Variants in HHAT observed in about 807,000 individuals in gnomAD.
HHAT encodes the protein hedgehog acyltransferase.
HHAT carries 47 observed loss-of-function variants against 70.8 expected under a neutral mutation model. The observed-to-expected ratio is 0.66, with a 90% CI of 0.53 to 0.85. HHAT has a LOEUF of 0.85. HHAT is among the 40% of genes least tolerant of loss of function. The pLI is 0.00. For synonymous variants in HHAT, 228 were observed against 247.6 expected (o/e 0.92, Z 0.74); for missense variants, 609 against 604.8 (o/e 1.01, Z -0.07).
intron 11 of HHAT, among the ~76,000 whole-genome samples, chr1:210,641,911 C>A (rs187201244): frequency 2.0e-5 from 3 of 152,192 alleles, no homozygotes; most frequent in Non-Finnish European, 4.4e-5. Flanking sequence ...CACAAGCAAA[C>A]TTCAGGTCTT....
chr1:210,424,126 G>C (rs2092987248), intron 7 of HHAT, among the ~76,000 whole-genome samples: 1 of 152,122 alleles, frequency 6.6e-6, no homozygotes, highest in African/African-American at 2.4e-5. Flanking sequence ...CAATTGCTTT[G>C]AGTAGTATTG....
chr1:210,665,662 G>A (rs903195162), intron 11 of HHAT, among the ~76,000 whole-genome samples: 3 of 152,184 alleles, frequency 2.0e-5, no homozygotes, highest in African/African-American at 4.8e-5. Flanking sequence ...GTGGATAATG[G>A]TAGATTTAAA....
chr1:210,543,350 C>CTTT (rs74605164), intron 9 of HHAT, among the ~76,000 whole-genome samples: 2 of 146,760 alleles, frequency 1.4e-5, no homozygotes, highest in East Asian at 4.0e-4. Flanking sequence ...GGGTGTTTTT[C>CTTT]TTTTTTTTTT....
intron 10 of HHAT, 23 bp from the exon 11 acceptor site, chr1:210,623,503 C>A: frequency 6.2e-7 from 1 of 1,613,488 alleles, no homozygotes; most frequent in Non-Finnish European, 8.5e-7. Context: ...TCATGAGATG[C>A]TTTCTTGCCA....
intron 11 of HHAT, among the ~76,000 whole-genome samples, chr1:210,634,803 A>G (rs1382097315): frequency 1.3e-5 from 2 of 152,210 alleles, no homozygotes; most frequent in Non-Finnish European, 2.9e-5. Flanking sequence ...TTGGATTGCA[A>G]TACAAAATTT....
chr1:210,337,816 AG>A (rs2085638902), intron 1 of HHAT, among the ~76,000 whole-genome samples: 1 of 149,942 alleles, frequency 6.7e-6, no homozygotes, highest in Non-Finnish European at 1.5e-5. Flanking sequence ...GGACACTTCT[AG>A]GGGACCCATC....
intron 1 of HHAT, among the ~76,000 whole-genome samples, chr1:210,330,943 G>A (rs2143590): frequency 0.75 from 114,452 of 152,018 alleles, 44,234 homozygotes; most frequent in African/African-American, 0.93. Context: ...CTCAGCCTCC[G>A]GAGTAGCTTA....
chr1:210,445,510 C>G (rs2093617391), intron 7 of HHAT, among the ~76,000 whole-genome samples: 1 of 152,116 alleles, frequency 6.6e-6, no homozygotes, highest in African/African-American at 2.4e-5. Context: ...AACCAATTCT[C>G]TGTTGTTGAT....
chr1:210,663,117 A>C (rs1309657873), intron 11 of HHAT, among the ~76,000 whole-genome samples: 2 of 152,096 alleles, frequency 1.3e-5, no homozygotes, highest in East Asian at 3.9e-4. Context: ...CATGCTCTTC[A>C]ATGCTCACAG....
chr1:210,577,035 C>T (rs1472357375), intron 9 of HHAT, among the ~76,000 whole-genome samples: 1 of 146,962 alleles, frequency 6.8e-6, no homozygotes, highest in African/African-American at 2.5e-5. Flanking sequence ...TTTTATGTTA[C>T]TTTTGTATCC....
intron 11 of HHAT, among the ~76,000 whole-genome samples, chr1:210,654,871 G>A (rs1676055585): frequency 6.6e-6 from 1 of 152,208 alleles, no homozygotes; most frequent in African/African-American, 2.4e-5. Context: ...TACTATCACA[G>A]TTCCTTCTTT....
intron 2 of HHAT, 83 bp from the exon 3 acceptor site, chr1:210,362,769 C>G: frequency 9.0e-7 from 1 of 1,115,910 alleles, no homozygotes; most frequent in Admixed American, 1.8e-5. Context: ...GGACATAGTC[C>G]AATTCTTTCA....
chr1:210,340,235 T>C (rs2085892171), intron 1 of HHAT, among the ~76,000 whole-genome samples: 1 of 88,788 alleles, frequency 1.1e-5, no homozygotes, highest in Non-Finnish European at 2.0e-5. Context: ...AGCAAGACTC[T>C]GTCTCAGAAA....
chr1:210,610,428 A>G (rs114541431), intron 10 of HHAT, among the ~76,000 whole-genome samples: 4,007 of 152,304 alleles, frequency 0.026, 174 homozygotes, highest in African/African-American at 0.09. Flanking sequence ...GACCTTTGTC[A>G]TATGGATAGA....
At chr1:210,626,395 A>T (rs1464367195) in intron 11 of HHAT, among the ~76,000 whole-genome samples, 1 of 152,136 alleles carries the variant, frequency 6.6e-6, no homozygotes. Flanking sequence ...CTCTGATTCT[A>T]TAAAAGTGGA....
intron 5 of HHAT, among the ~76,000 whole-genome samples, chr1:210,402,609 T>C (rs2092132381): frequency 6.6e-6 from 1 of 152,092 alleles, no homozygotes; most frequent in South Asian, 2.1e-4. Flanking sequence ...TACAAACTGG[T>C]AAACAATAAA....
chr1:210,405,600 G>A (rs895838369), intron 6 of HHAT, among the ~76,000 whole-genome samples: 38 of 152,166 alleles, frequency 2.5e-4, no homozygotes, highest in Non-Finnish European at 1.3e-4. Flanking sequence ...TTTCTGGGCA[G>A]CAACATGAAA....
At chr1:210,328,782 G>T (rs2084719573), upstream of HHAT, 1 of 354,134 alleles carries the variant, frequency 2.8e-6, no homozygotes, top group Admixed American at 4.7e-5. Flanking sequence ...GGCCGCCGGC[G>T]GGGCAAACGC....
At chr1:210,579,612 A>G (rs180743741) in intron 9 of HHAT, among the ~76,000 whole-genome samples, 41 of 152,330 alleles carry the variant, frequency 2.7e-4, no homozygotes, top group African/African-American at 9.4e-4. Flanking sequence ...AGTGCATACT[A>G]AGTATGTATA....
Sources: gnomAD v4.1 joint callset for allele counts (sites outside exome capture counted in the v4.1 genomes callset) on GRCh38, gnomAD v4.1.1 for gene constraint, MANE v1.5 for transcripts, NCBI Gene and HGNC (gene_info 2026-07-23, HGNC 2026-07-21) for gene names.